The following CAMTA1 variants were observed in gnomAD, a reference collection of about 807,000 sequenced individuals.
CAMTA1 encodes the protein calmodulin binding transcription activator 1.
A neutral mutation model predicts 170.9 loss-of-function variants in CAMTA1; 27 were observed. The ratio of observed to expected loss-of-function variants is 0.16; its 90% CI spans 0.12 to 0.22. The LOEUF (loss-of-function observed/expected upper bound fraction) is 0.22. Ranked by LOEUF, CAMTA1 falls within the 10% of genes least tolerant of loss-of-function variation. CAMTA1 has a pLI of 1.00. For synonymous variants in CAMTA1, 833 were observed against 891.5 expected (o/e 0.93, Z 1.17); for missense variants, 1,619 against 2,217.2 (o/e 0.73, Z 5.42).
intron 5 of CAMTA1, among the ~76,000 whole-genome samples, chr1:7,411,907 C>A: frequency 7.5e-6 from 1 of 133,540 alleles, no homozygotes; most frequent in East Asian, 2.3e-4. Flanking sequence ...ATCCCTCCCC[C>A]CTCCCCCCAC....
chr1:6,868,319 A>AAAAACAAAAC (rs548053878), intron 3 of CAMTA1, among the ~76,000 whole-genome samples: 23 of 140,592 alleles, frequency 1.6e-4, no homozygotes, highest in East Asian at 4.3e-4. Flanking sequence ...TTTTTTTTTT[A>AAAAACAAAAC]AAAACAAAAC....
At chr1:7,579,301 C>T (rs77374138) in intron 6 of CAMTA1, among the ~76,000 whole-genome samples, 3,001 of 152,252 alleles carry the variant, frequency 0.02, 82 homozygotes, top group African/African-American at 0.068. Context: ...GCCAGCCTGG[C>T]GAGGCTTCCA....
In CAMTA1 at chr1:7,602,343, G is replaced by C. The variant is rs1440368150; in HGVS notation, c.511-38057G>C. Among the ~76,000 whole-genome samples the C allele has an allele frequency of 6.6e-5, 10 of 151,766 alleles. No individual in the cohort carries two copies. The East Asian group carries it at 1.9e-3, about 29-fold the overall frequency. ...TGCCTCAATTTCAGAGCCTGTTATT[G>C]GTCTATTCAGAGATTCAACTTCTTC... On this transcript the variant is annotated intron_variant, in intron 6 of 22. Transcript: ENST00000303635.
At position 7,025,644 on chromosome 1, in the gene CAMTA1, G is replaced by T. The variant is rs147753469; in HGVS notation, c.235-65660G>T. ...CCCATTAAGGTGCTCTCAAGGGTGT[G>T]GGGGGAGGCAAACTGCTGATTTCAA... On this transcript the variant is annotated intron_variant, in intron 3 of 22. Transcript: ENST00000303635. Among the ~76,000 whole-genome samples, 80 of 152,276 alleles carry T rather than the reference G, an allele frequency of 5.3e-4. 2 individuals are homozygous for T. In the East Asian group the frequency reaches 0.011, roughly 21 times the overall value.
chr1:7,395,028 G>C (rs2089161087), intron 5 of CAMTA1, among the ~76,000 whole-genome samples: 1 of 152,030 alleles, frequency 6.6e-6, no homozygotes, highest in South Asian at 2.1e-4. Context: ...GACTACAGGT[G>C]TCCGCCACCA....
intron 6 of CAMTA1, among the ~76,000 whole-genome samples, chr1:7,536,906 C>T (rs1415418312): frequency 6.6e-6 from 1 of 152,146 alleles, no homozygotes; most frequent in African/African-American, 2.4e-5. Flanking sequence ...GTGGCTCCTG[C>T]CCCCATTGAT....
intron 6 of CAMTA1, among the ~76,000 whole-genome samples, chr1:7,504,953 A>C (rs1432786466): frequency 6.7e-6 from 1 of 149,502 alleles, no homozygotes; most frequent in African/African-American, 2.5e-5. Flanking sequence ...AAGCACACAG[A>C]TGCCTCATGG....
chr1:7,128,831 CTTTTTTTTTT>C (rs34180837), intron 4 of CAMTA1, among the ~76,000 whole-genome samples: 3 of 61,382 alleles, frequency 4.9e-5, no homozygotes, highest in Non-Finnish European at 8.8e-5. Context: ...GCTCCCCCTC[CTTTTTTTTTT>C]TTTTTTTTTT....
chr1:6,928,644 C>G (rs977766255), intron 3 of CAMTA1, among the ~76,000 whole-genome samples: 4 of 152,188 alleles, frequency 2.6e-5, no homozygotes, highest in African/African-American at 9.7e-5. Flanking sequence ...TGACTTCTGT[C>G]AATTTGAAGA....
At chr1:6,905,036 C>T (rs1678076449) in intron 3 of CAMTA1, among the ~76,000 whole-genome samples, 2 of 152,072 alleles carry the variant, frequency 1.3e-5, no homozygotes, top group South Asian at 2.1e-4. Flanking sequence ...GGGGTCCGCT[C>T]TGTTGCTGTG....
intron 6 of CAMTA1, among the ~76,000 whole-genome samples, chr1:7,582,633 C>T (rs1451589978): frequency 6.6e-6 from 1 of 152,162 alleles, no homozygotes; most frequent in Non-Finnish European, 1.5e-5. Context: ...AGTGTGGCTG[C>T]TCTAACTCCA....
chr1:6,786,120 C>A (rs974012181), intron 1 of CAMTA1, among the ~76,000 whole-genome samples: 1 of 151,894 alleles, frequency 6.6e-6, no homozygotes, highest in Admixed American at 6.5e-5. Context: ...CAGATGTACT[C>A]TCTCCGGCAC....
rs143350798 is a variant in CAMTA1, at chr1:7,756,532, A to C, written c.4989+864A>C. On this transcript the variant is annotated intron_variant, in intron 22 of 22. Coordinates refer to ENST00000303635, the MANE Select transcript of CAMTA1 (RefSeq NM_015215.4). Reference sequence around the variant, plus strand: ...GTGTTTGAATTATAATAAAAGATTTAGTGTCCGAAAACCATTTTTTCAAAG... The same window carrying C: ...GTGTTTGAATTATAATAAAAGATTTCGTGTCCGAAAACCATTTTTTCAAAG... Among the ~76,000 whole-genome samples, 17 of 152,308 alleles carry C rather than the reference A, an allele frequency of 1.1e-4. 1 individual carries two copies. The highest frequency in any genetic ancestry group is 9.8e-4 in the Admixed American group (15 of 15,306).
At chr1:7,000,366 G>A (rs542055807) in intron 3 of CAMTA1, among the ~76,000 whole-genome samples, 111 of 152,340 alleles carry the variant, frequency 7.3e-4, no homozygotes, top group South Asian at 3.5e-3. Flanking sequence ...CAGCCCCTGC[G>A]TCAGCCACTG....
chr1:7,624,488 C>T (rs1033135423), intron 6 of CAMTA1, among the ~76,000 whole-genome samples: 17 of 152,220 alleles, frequency 1.1e-4, no homozygotes, highest in Non-Finnish European at 2.5e-4. Flanking sequence ...AATTCGCATG[C>T]AGAAGTACCC....
chr1:7,387,312 C>T (rs1020273404), intron 5 of CAMTA1, among the ~76,000 whole-genome samples: 4 of 152,148 alleles, frequency 2.6e-5, no homozygotes, highest in Admixed American at 6.5e-5. Flanking sequence ...TCTCTCCCAC[C>T]GACATGGCAC....
In CAMTA1 at chr1:7,506,675, A is replaced by T. The variant is rs534403554; in HGVS notation, c.510+38774A>T. 4.0e-5 allele frequency among the ~76,000 whole-genome samples: 6 copies of T among 150,924 alleles called. No homozygotes were observed. In the South Asian group the frequency reaches 1.1e-3, roughly 26 times the overall value. On this transcript the variant is annotated intron_variant, in intron 6 of 22. Transcript: ENST00000303635. ...GCTGAAACGTAAAATTCACTCTAAC[A>T]TCTCATGCTCACACTCGAAATGCAC...
intron 6 of CAMTA1, among the ~76,000 whole-genome samples, chr1:7,510,590 CA>C (rs2094190519): frequency 6.8e-6 from 1 of 146,648 alleles, no homozygotes; most frequent in Admixed American, 6.8e-5. Context: ...GGATTTCACA[CA>C]GAGGTTCCAG....
chr1:6,853,246 T>C (rs1430193543), intron 3 of CAMTA1: 1 of 152,182 alleles, frequency 6.6e-6, no homozygotes, highest in Non-Finnish European at 1.5e-5. Flanking sequence ...AAAATACACA[T>C]AGAATTTAAA....
Sources: gnomAD v4.1 joint callset for allele counts (sites outside exome capture counted in the v4.1 genomes callset) on GRCh38, gnomAD v4.1.1 for gene constraint, MANE v1.5 for transcripts, NCBI Gene and HGNC (gene_info 2026-07-23, HGNC 2026-07-21) for gene names.